SDCCAG8: variants seen among roughly 807,000 people sequenced by gnomAD.
SDCCAG8 encodes serologically defined colon cancer antigen 8.
SDCCAG8 carries 74 observed loss-of-function variants against 101.8 expected under a neutral mutation model. The ratio of observed to expected loss-of-function variants is 0.73; its 90% CI spans 0.60 to 0.88. The LOEUF is 0.88. SDCCAG8 is among the 40% of genes least tolerant of loss of function. The pLI, the probability that SDCCAG8 is intolerant of heterozygous loss-of-function variation, is 0.00. For synonymous variants in SDCCAG8, 281 were observed against 292.9 expected, an observed-to-expected ratio of 0.96 and a Z score of 0.41; for missense variants, 787 against 822.6, an observed-to-expected ratio of 0.96 and a Z score of 0.53.
intron 3 of SDCCAG8, among the ~76,000 whole-genome samples, chr1:243,273,459 G>A (rs2068261337): frequency 6.6e-6 from 1 of 152,100 alleles, no homozygotes; most frequent in African/African-American, 2.4e-5. Flanking sequence ...GAATGCTACA[G>A]AGCTAAAATA....
intron 16 of SDCCAG8, among the ~76,000 whole-genome samples, chr1:243,427,688 G>A (rs6429425): frequency 6.6e-6 from 1 of 151,944 alleles, no homozygotes; most frequent in Admixed American, 6.6e-5. Context: ...AGCCTGGGGT[G>A]GGGGGGAGGT....
chr1:243,455,707 T>G (rs2083690035), intron 16 of SDCCAG8, among the ~76,000 whole-genome samples: 1 of 152,252 alleles, frequency 6.6e-6, no homozygotes, highest in East Asian at 1.9e-4. Flanking sequence ...TATCTCACTT[T>G]AAGCAAACCC....
intron 16 of SDCCAG8, among the ~76,000 whole-genome samples, chr1:243,483,508 G>A (rs556432095): frequency 6.6e-6 from 1 of 152,164 alleles, no homozygotes; most frequent in African/African-American, 2.4e-5. Context: ...CGTGAAGATT[G>A]CCCCTCTCTC....
chr1:243,409,433 C>T (rs189711226), intron 13 of SDCCAG8, among the ~76,000 whole-genome samples: 39 of 152,238 alleles, frequency 2.6e-4, no homozygotes, highest in Non-Finnish European at 4.0e-4. Flanking sequence ...CATGTATATT[C>T]ATATCCAGAC....
Position 243,274,457 on chromosome 1 carries a change from T to C in SDCCAG8, c.307-86T>C, listed in dbSNP as rs762360060. On this transcript the variant is annotated intron_variant, in intron 3 of 17. Coordinates refer to ENST00000366541, the MANE Select transcript of SDCCAG8 (RefSeq NM_006642.5). ...AATTGAGTATGGAGAAGGTAACAAC[T>C]GATTCTTTGCTAAATCCAAACATGC... is the stretch of plus-strand genomic sequence containing the variant. 197 of 772,066 alleles carry C rather than the reference T, an allele frequency of 2.6e-4. 2 individuals carry two copies. Among genetic ancestry groups the C allele is most frequent in the Middle Eastern group, 1.5e-3 (4 of 2,698 alleles). 47.8% of individuals were successfully genotyped at this position (772,066 alleles called of 1,614,324 possible).
At chr1:243,471,618 G>A (rs1478981431) in intron 16 of SDCCAG8, among the ~76,000 whole-genome samples, 1 of 152,026 alleles carries the variant, frequency 6.6e-6, no homozygotes, top group Non-Finnish European at 1.5e-5. Context: ...GGGGTTGGGG[G>A]GTGGAGGGAG....
rs1573851323 is a variant in SDCCAG8 at position 243,404,216 on chromosome 1, G to T, written c.1617-11486G>T. Reference sequence around the variant, plus strand: ...CTCAGAGCACAAAGTCCTCAGTTTGGATATAGTCAGGGCAGGCTACCTTGT... The same window carrying T: ...CTCAGAGCACAAAGTCCTCAGTTTGTATATAGTCAGGGCAGGCTACCTTGT... On this transcript the variant is annotated intron_variant, in intron 13 of 17. Coordinates refer to ENST00000366541, the MANE Select transcript of SDCCAG8 (RefSeq NM_006642.5). 3.3e-5 allele frequency among the ~76,000 whole-genome samples: 5 copies of T among 152,160 alleles called. No homozygotes were observed. In the South Asian group the frequency reaches 1.0e-3, roughly 32 times the overall value.
At chr1:243,295,841 C>T (rs1027602508) in intron 6 of SDCCAG8, among the ~76,000 whole-genome samples, 6 of 152,090 alleles carry the variant, frequency 3.9e-5, no homozygotes, top group Non-Finnish European at 7.4e-5. Context: ...GTGTTTATGA[C>T]TATTGGAGAC....
intron 1 of SDCCAG8, among the ~76,000 whole-genome samples, chr1:243,258,644 AT>A (rs2066950141): frequency 6.6e-6 from 1 of 152,122 alleles, no homozygotes. Flanking sequence ...ACCTTAAGTG[AT>A]CCGCCCACTT....
intron 13 of SDCCAG8, among the ~76,000 whole-genome samples, chr1:243,387,926 G>T (rs1056616133): frequency 6.6e-6 from 1 of 152,110 alleles, no homozygotes; most frequent in Non-Finnish European, 1.5e-5. Flanking sequence ...ATGTTGGCCA[G>T]ACTGGTCTCA....
chr1:243,482,674 C>A (rs2148233909), intron 16 of SDCCAG8, among the ~76,000 whole-genome samples: 1 of 152,334 alleles, frequency 6.6e-6, no homozygotes, highest in East Asian at 1.9e-4. Context: ...GGACCCTACG[C>A]TGTGCTGTGA....
chr1:243,370,194 CTCTA>C (rs2077207679), intron 12 of SDCCAG8, among the ~76,000 whole-genome samples: 1 of 150,118 alleles, frequency 6.7e-6, no homozygotes, highest in Non-Finnish European at 1.5e-5. Flanking sequence ...AAGTCAAGAT[CTCTA>C]TCTATGTATG....
chr1:243,278,187 AATAG>A (rs2068733719), intron 4 of SDCCAG8, among the ~76,000 whole-genome samples: 1 of 152,128 alleles, frequency 6.6e-6, no homozygotes, highest in Non-Finnish European at 1.5e-5. Context: ...GTTTTCCTCA[AATAG>A]ATCTTCTACA....
At chr1:243,326,721 T>C (rs1187326144) in intron 9 of SDCCAG8, among the ~76,000 whole-genome samples, 1 of 152,230 alleles carries the variant, frequency 6.6e-6, no homozygotes. Context: ...GTGTGAGCTG[T>C]ATATTTTTCA....
intron 13 of SDCCAG8, among the ~76,000 whole-genome samples, chr1:243,414,135 A>C (rs1348144036): frequency 2.0e-5 from 3 of 152,216 alleles, no homozygotes; most frequent in Non-Finnish European, 2.9e-5. Context: ...TACGATGTAC[A>C]CAACATATAT....
intron 13 of SDCCAG8, among the ~76,000 whole-genome samples, chr1:243,388,139 T>C (rs1031333467): frequency 1.3e-4 from 20 of 152,212 alleles, no homozygotes; most frequent in Non-Finnish European, 1.2e-4. Flanking sequence ...AACTAGACCA[T>C]GTACAATCCA....
intron 7 of SDCCAG8, among the ~76,000 whole-genome samples, chr1:243,307,005 G>A (rs2072202098): frequency 6.6e-6 from 1 of 151,770 alleles, no homozygotes. Flanking sequence ...AGACAGAGAT[G>A]GAGATAAAGT....
Position 243,346,981 on chromosome 1 carries a change from C to G in SDCCAG8, c.1473+2650C>G, listed in dbSNP as rs189789882. Among the ~76,000 whole-genome samples, 229 of 152,232 alleles carry G rather than the reference C, an allele frequency of 1.5e-3. 1 individual carries two copies. The highest frequency in any genetic ancestry group is 2.3e-3 in the Non-Finnish European group (159 of 68,012). On this transcript the variant is annotated intron_variant, in intron 12 of 17. Coordinates refer to ENST00000366541, the MANE Select transcript of SDCCAG8 (RefSeq NM_006642.5). ...ACTCATCATTTTGCCCGTCCTCTTC[C>G]TCAGTCCTATTCCATCACTCATCAT...
chr1:243,312,706 CAAAAAAAAAA>C, intron 8 of SDCCAG8, among the ~76,000 whole-genome samples: 1 of 99,204 alleles, frequency 1.0e-5, no homozygotes, highest in East Asian at 3.2e-4. Context: ...AACCTGTCTC[CAAAAAAAAAA>C]AAAAAAAAAT....
Sources: allele counts gnomAD v4.1 joint callset (sites outside exome capture counted in the v4.1 genomes callset), GRCh38; gene constraint gnomAD v4.1.1; transcripts MANE v1.5; gene names NCBI Gene and HGNC (gene_info 2026-07-23, HGNC 2026-07-21).